Variants in PCDH11X observed in about 807,000 individuals in gnomAD.
The protein encoded by PCDH11X is protocadherin 11 X-linked.
Under a neutral mutation model 53.3 loss-of-function variants are expected in PCDH11X, and 18 were observed. The ratio of observed to expected loss-of-function variants is 0.34; its 90% CI spans 0.23 to 0.50. The LOEUF is 0.50. Ranked by LOEUF, PCDH11X falls within the 20% of genes least tolerant of loss-of-function variation. The pLI is 0.98. For missense variants in PCDH11X, 570 were observed against 1,032.4 expected (o/e 0.55, Z 6.14); for synonymous variants, 279 against 393.3 (o/e 0.71, Z 3.44).
chrX:91,950,929 G>A (rs1336566129), intron 6 of PCDH11X, among the ~76,000 whole-genome samples: 5 of 109,099 alleles, frequency 4.6e-5, no homozygotes, highest in Non-Finnish European at 9.6e-5. Flanking sequence ...AAACAACCTC[G>A]CAAAATCACT....
intron 7 of PCDH11X, among the ~76,000 whole-genome samples, chrX:92,237,685 C>G (rs780941324): frequency 1.9e-3 from 206 of 111,215 alleles, no homozygotes; most frequent in Admixed American, 3.3e-3. Flanking sequence ...ACAAGTACCC[C>G]CTTATCTCTC....
intron 10 of PCDH11X, among the ~76,000 whole-genome samples, chrX:92,589,287 C>T (rs779420966): frequency 8.1e-5 from 9 of 111,482 alleles, no homozygotes; most frequent in Non-Finnish European, 1.7e-4. Flanking sequence ...GCACAGAAAA[C>T]CGGCATATTA....
At chrX:91,814,297 A>C (rs1481896471) in intron 4 of PCDH11X, among the ~76,000 whole-genome samples, 1 of 111,436 alleles carries the variant, frequency 9.0e-6, no homozygotes, top group Admixed American at 9.6e-5. Flanking sequence ...CAATCATAAT[A>C]TCTATAGATA....
At chrX:92,147,863 C>CTTTCTTTCTTTCTTCTTT (rs1457716676) in intron 6 of PCDH11X, among the ~76,000 whole-genome samples, 12 of 60,945 alleles carry the variant, frequency 2.0e-4, no homozygotes, top group African/African-American at 6.9e-4. Context: ...TTTTTCTTTT[C>CTTTCTTTCTTTCTTCTTT]TCTCTTTCCT....
At chrX:92,061,224 A>G (rs1205019610) in intron 6 of PCDH11X, among the ~76,000 whole-genome samples, 1 of 111,447 alleles carries the variant, frequency 9.0e-6, no homozygotes, top group African/African-American at 3.3e-5. Flanking sequence ...TAGATTCTGG[A>G]TATAAGACCT....
intron 6 of PCDH11X, among the ~76,000 whole-genome samples, chrX:91,925,098 G>C (rs1413286422): frequency 3.7e-5 from 4 of 109,366 alleles, no homozygotes. Context: ...CTTACAGTGG[G>C]GTTACATTAT....
intron 1 of PCDH11X, among the ~76,000 whole-genome samples, chrX:91,801,728 T>G (rs1358466422): frequency 8.9e-6 from 1 of 112,005 alleles, no homozygotes; most frequent in Non-Finnish European, 1.9e-5. Flanking sequence ...GTAAATGAAT[T>G]CATCATAGAC....
At chrX:91,843,232 GAA>G (rs68080906) in intron 5 of PCDH11X, among the ~76,000 whole-genome samples, 7 of 107,566 alleles carry the variant, frequency 6.5e-5, no homozygotes, top group Non-Finnish European at 1.1e-4. Context: ...AAAGAGGAAA[GAA>G]TATTTATTTT....
At chrX:92,494,475 C>T (rs1209195512) in intron 10 of PCDH11X, among the ~76,000 whole-genome samples, 5 of 108,865 alleles carry the variant, frequency 4.6e-5, no homozygotes, top group Admixed American at 9.9e-5. Context: ...TGTATGTCAG[C>T]GGGGCTGTCA....
intron 6 of PCDH11X, among the ~76,000 whole-genome samples, chrX:92,097,436 G>C (rs751279801): frequency 9.2e-6 from 1 of 108,179 alleles, no homozygotes; most frequent in South Asian, 4.0e-4. Context: ...AATTGAAAAA[G>C]TTCTCAGGAA....
intron 10 of PCDH11X, among the ~76,000 whole-genome samples, chrX:92,582,883 A>G (rs1225580384): frequency 2.8e-5 from 3 of 108,969 alleles, no homozygotes; most frequent in Non-Finnish European, 5.7e-5. Context: ...GTCAAAGGAG[A>G]TCATTTTGAT....
At chrX:92,568,802 C>T (rs1315841166) in intron 10 of PCDH11X, among the ~76,000 whole-genome samples, 1 of 110,659 alleles carries the variant, frequency 9.0e-6, no homozygotes, top group Non-Finnish European at 1.9e-5. Context: ...TTCAAAGAAA[C>T]CCAGCCAGTT....
chrX:91,801,994 C>G (rs1450961802), intron 1 of PCDH11X, among the ~76,000 whole-genome samples: 1 of 113,545 alleles, frequency 8.8e-6, no homozygotes, highest in African/African-American at 3.2e-5. Context: ...AAATGCTTCA[C>G]TGAAATAATT....
chrX:91,997,808 T>G (rs1302497696), intron 6 of PCDH11X, among the ~76,000 whole-genome samples: 1 of 111,657 alleles, frequency 9.0e-6, no homozygotes, highest in Non-Finnish European at 1.9e-5. Flanking sequence ...TAATTTTGCT[T>G]TAAATATTTG....
chrX:91,822,737 G>C (rs1417063110), intron 4 of PCDH11X, among the ~76,000 whole-genome samples: 1 of 110,031 alleles, frequency 9.1e-6, no homozygotes, highest in African/African-American at 3.3e-5. Context: ...GTTTGCTCTT[G>C]CTTTTCTAGT....
At chrX:92,024,311 CAA>C (rs1440162352) in intron 6 of PCDH11X, among the ~76,000 whole-genome samples, 2 of 111,096 alleles carry the variant, frequency 1.8e-5, no homozygotes, top group Non-Finnish European at 3.8e-5. Flanking sequence ...GCAATTTCAG[CAA>C]AGTCTCAGGA....
At chrX:92,241,621 A>G (rs2067263479) in intron 7 of PCDH11X, among the ~76,000 whole-genome samples, 2 of 112,063 alleles carry the variant, frequency 1.8e-5, no homozygotes, top group Non-Finnish European at 1.9e-5. Flanking sequence ...TAAAACTGTA[A>G]AAAGTGGACA....
At chrX:92,417,255 C>T (rs2071834311) in intron 9 of PCDH11X, among the ~76,000 whole-genome samples, 1 of 111,884 alleles carries the variant, frequency 8.9e-6, no homozygotes. Context: ...TATGAGTAGA[C>T]ATTTGCAAAG....
At chrX:92,317,289 AAT>A (rs1462175874) in intron 8 of PCDH11X, among the ~76,000 whole-genome samples, 7 of 107,892 alleles carry the variant, frequency 6.5e-5, no homozygotes, top group African/African-American at 2.4e-4. Context: ...CTTTATCTAT[AAT>A]ATGTGTTTCC....
Sources: allele counts gnomAD v4.1 joint callset (sites outside exome capture counted in the v4.1 genomes callset), GRCh38; gene constraint gnomAD v4.1.1; transcripts MANE v1.5; gene names NCBI Gene and HGNC (gene_info 2026-07-23, HGNC 2026-07-21).